The following JAZF1 variants were observed in gnomAD, a reference collection of about 807,000 sequenced individuals.
JAZF1 encodes the protein JAZF zinc finger 1, also known as juxtaposed with another zinc finger protein 1.
Under a neutral mutation model 26.4 loss-of-function variants are expected in JAZF1, and 8 were observed. The observed-to-expected ratio is 0.30, with a 90% CI of 0.18 to 0.55. The LOEUF (loss-of-function observed/expected upper bound fraction) is 0.55, where lower values mean the gene tolerates loss of function less well. JAZF1 is among the 20% of genes least tolerant of loss of function. The probability of loss-of-function intolerance (pLI) is 0.94; values close to 1 mark genes in which losing one functional copy is unlikely to be tolerated. For missense variants in JAZF1, 199 were observed against 322.0 expected, an observed-to-expected ratio of 0.62 and a Z score of 2.92; for synonymous variants, 126 against 122.3, an observed-to-expected ratio of 1.03 and a Z score of -0.20.
intron 1 of JAZF1, among the ~76,000 whole-genome samples, chr7:28,077,353 C>T (rs1237733997): frequency 6.6e-6 from 1 of 152,098 alleles, no homozygotes; most frequent in African/African-American, 2.4e-5. Context: ...ATACATTAAT[C>T]CGCCAGACTA....
rs931628540 is a variant in JAZF1 at position 27,944,943 on chromosome 7, C to T, written c.188+46966G>A. ...TCTAAGCCACACCCTTTCCGGAACG[C>T]TGTCATCTGCTACGGTGTGACTGGT... On this transcript the variant is annotated intron_variant, in intron 2 of 4. Transcript: ENST00000283928. 4.6e-5 allele frequency among the ~76,000 whole-genome samples: 7 copies of T among 152,278 alleles called. No individual in the cohort carries two copies. The East Asian group carries it at 1.2e-3, about 25-fold the overall frequency.
chr7:28,110,283 GGGTGTGGT>G (rs1186571649), intron 1 of JAZF1, among the ~76,000 whole-genome samples: 1 of 151,790 alleles, frequency 6.6e-6, no homozygotes, highest in Non-Finnish European at 1.5e-5. Context: ...AAAATTAGCT[GGGTGTGGT>G]GGTGTGTGCC....
intron 1 of JAZF1, among the ~76,000 whole-genome samples, chr7:28,143,835 G>A (rs1015225050): frequency 9.2e-5 from 14 of 152,130 alleles, no homozygotes; most frequent in Admixed American, 3.9e-4. Flanking sequence ...CTTATATACC[G>A]TAAGCCAGGT....
At chr7:28,063,410 C>T (rs1030631822) in intron 1 of JAZF1, among the ~76,000 whole-genome samples, 4 of 151,996 alleles carry the variant, frequency 2.6e-5, no homozygotes, top group Non-Finnish European at 5.9e-5. Context: ...CTCACTTCTG[C>T]GAACTGCAAT....
chr7:27,910,422 G>A (rs561316410), intron 2 of JAZF1, among the ~76,000 whole-genome samples: 1 of 152,330 alleles, frequency 6.6e-6, no homozygotes, highest in South Asian at 2.1e-4. Context: ...TGCTAATGAA[G>A]TATTTCTTGG....
intron 3 of JAZF1, among the ~76,000 whole-genome samples, chr7:27,851,442 A>C (rs1421500544): frequency 6.6e-6 from 1 of 152,086 alleles, no homozygotes; most frequent in Non-Finnish European, 1.5e-5. Flanking sequence ...TGAAGGCAGA[A>C]GTTTGAAACC....
chr7:27,883,828 CCTT>C (rs1318924339), intron 3 of JAZF1, among the ~76,000 whole-genome samples: 2 of 152,196 alleles, frequency 1.3e-5, no homozygotes, highest in Admixed American at 6.5e-5. Flanking sequence ...CTTCTCTGCT[CCTT>C]CTCTCTACTT....
At chr7:27,997,946 G>A (rs896962269) in intron 1 of JAZF1, among the ~76,000 whole-genome samples, 3 of 151,140 alleles carry the variant, frequency 2.0e-5, no homozygotes, top group African/African-American at 4.9e-5. Context: ...AGTCTTAAAC[G>A]TGAATGAGAG....
At chr7:27,938,886 C>T (rs1161866321) in intron 2 of JAZF1, among the ~76,000 whole-genome samples, 1 of 151,814 alleles carries the variant, frequency 6.6e-6, no homozygotes, top group African/African-American at 2.4e-5. Context: ...AGCCATCTAC[C>T]CACCTTGGTC....
intron 1 of JAZF1, among the ~76,000 whole-genome samples, chr7:28,137,685 T>C (rs1358328473): frequency 6.6e-6 from 1 of 152,122 alleles, no homozygotes; most frequent in Non-Finnish European, 1.5e-5. Flanking sequence ...ACAGATGCCG[T>C]TTCTTAATAG....
At chr7:28,074,315 T>G (rs1784020652) in intron 1 of JAZF1, among the ~76,000 whole-genome samples, 1 of 152,322 alleles carries the variant, frequency 6.6e-6, no homozygotes, top group South Asian at 2.1e-4. Context: ...TTCCAAAGTT[T>G]GAGTCATGGA....
In JAZF1 at chr7:28,121,542, A is replaced by G. The variant is rs919308210; in HGVS notation, c.115+58921T>C. Reference sequence around the variant, plus strand: ...CTCTCCACTATTCGTATGACACTCAAGGGGGAAATGTGTGATCCTATTTTC... The same window carrying G: ...CTCTCCACTATTCGTATGACACTCAGGGGGGAAATGTGTGATCCTATTTTC... On this transcript the variant is annotated intron_variant, in intron 1 of 4. Transcript: ENST00000283928. Among the ~76,000 whole-genome samples the G allele has an allele frequency of 1.8e-4, 28 of 152,192 alleles. 1 individual carries two copies. The highest frequency in any genetic ancestry group is 4.4e-5 in the Non-Finnish European group (3 of 68,032).
intron 2 of JAZF1, among the ~76,000 whole-genome samples, chr7:27,970,486 T>C (rs1440570755): frequency 6.6e-6 from 1 of 152,182 alleles, no homozygotes; most frequent in Non-Finnish European, 1.5e-5. Context: ...CTTACATCAT[T>C]ACTTTCAAGT....
intron 2 of JAZF1, among the ~76,000 whole-genome samples, chr7:27,923,571 T>C (rs1402930427): frequency 2.0e-5 from 3 of 152,230 alleles, no homozygotes; most frequent in East Asian, 3.9e-4. Flanking sequence ...TCCCAGCAGA[T>C]GTTGGGCTGC....
intron 2 of JAZF1, among the ~76,000 whole-genome samples, chr7:27,918,121 C>T (rs1275249844): frequency 6.6e-6 from 1 of 152,144 alleles, no homozygotes; most frequent in Admixed American, 6.5e-5. Context: ...CCATGGTGGA[C>T]ACGCAGAGTA....
chr7:28,179,793 C>T (rs1783608342), intron 1 of JAZF1, among the ~76,000 whole-genome samples: 1 of 147,152 alleles, frequency 6.8e-6, no homozygotes, highest in Admixed American at 6.7e-5. Flanking sequence ...CCCCCGCCCG[C>T]GGCCGCCGGC....
At chr7:27,941,395 T>G (rs1784846226) in intron 2 of JAZF1, among the ~76,000 whole-genome samples, 1 of 152,222 alleles carries the variant, frequency 6.6e-6, no homozygotes, top group Admixed American at 6.5e-5. Flanking sequence ...TCTTTCAGCC[T>G]GCAGTTAATC....
intron 1 of JAZF1, among the ~76,000 whole-genome samples, chr7:28,123,721 T>G (rs1583573244): frequency 6.6e-6 from 1 of 152,196 alleles, no homozygotes; most frequent in East Asian, 1.9e-4. Context: ...TACATACACA[T>G]CTATAGCAAT....
chr7:28,056,280 G>C (rs968228441), intron 1 of JAZF1, among the ~76,000 whole-genome samples: 3 of 151,992 alleles, frequency 2.0e-5, no homozygotes, highest in African/African-American at 7.3e-5. Context: ...ATTAGTAAAA[G>C]GAGGCAGTTC....
Sources: gnomAD v4.1 joint callset for allele counts (sites outside exome capture counted in the v4.1 genomes callset) on GRCh38, gnomAD v4.1.1 for gene constraint, MANE v1.5 for transcripts, NCBI Gene and HGNC (gene_info 2026-07-23, HGNC 2026-07-21) for gene names.